ZCCHC2: variants seen among roughly 807,000 people sequenced by gnomAD.
ZCCHC2 encodes zinc finger CCHC domain-containing protein 2.
ZCCHC2 carries 39 observed loss-of-function variants against 103.6 expected under a neutral mutation model. The ratio of observed to expected loss-of-function variants is 0.38; its 90% CI spans 0.29 to 0.49. ZCCHC2 has a LOEUF of 0.49. ZCCHC2 is among the 20% of genes least tolerant of loss of function. The pLI is 0.96. For missense variants in ZCCHC2, 1,483 were observed against 1,491.0 expected (o/e 0.99, Z 0.09); for synonymous variants, 687 against 608.9 (o/e 1.13, Z -1.89).
rs376690947 is a variant in ZCCHC2, at chr18:62,539,802, C to T, written c.1051+10C>T. 5.6e-5 allele frequency: 89 copies of T among 1,590,688 alleles called. No homozygotes were observed. In the African/African-American group the frequency reaches 9.5e-4, roughly 17 times the overall value. ...AGAGCTCAGCGAGAAGGTATGCTCT[C>T]TTTTTTGTAAACTTAAAGCATTAAT... On this transcript the variant is annotated intron_variant, in intron 2 of 13. Transcript: ENST00000269499.
chr18:62,530,601 G>A (rs1598928134), intron 1 of ZCCHC2, among the ~76,000 whole-genome samples: 1 of 151,936 alleles, frequency 6.6e-6, no homozygotes, highest in Admixed American at 6.5e-5. Flanking sequence ...ATTGATGTTC[G>A]GGAAGGACAG....
At chr18:62,536,607 C>G (rs1555785429) in intron 1 of ZCCHC2, among the ~76,000 whole-genome samples, 1 of 152,160 alleles carries the variant, frequency 6.6e-6, no homozygotes, top group East Asian at 1.9e-4. Context: ...ACAGCATCGC[C>G]GAGCAGCCAC....
chr18:62,583,666 G>T (rs923699624), intron 14 of ZCCHC2, among the ~76,000 whole-genome samples: 1 of 139,428 alleles, frequency 7.2e-6, no homozygotes. Context: ...AAAAAATACT[G>T]ACCCCCCCCT....
chr18:62,531,752 ACT>A (rs1176434094), intron 1 of ZCCHC2, among the ~76,000 whole-genome samples: 1 of 151,246 alleles, frequency 6.6e-6, no homozygotes, highest in Admixed American at 6.6e-5. Flanking sequence ...TTTGAAGCCA[ACT>A]CTGACAACTT....
intron 1 of ZCCHC2, among the ~76,000 whole-genome samples, chr18:62,526,654 T>G (rs1350671988): frequency 1.3e-5 from 2 of 151,692 alleles, no homozygotes; most frequent in Non-Finnish European, 2.9e-5. Context: ...CGGGCGCACC[T>G]CCCCATCGTC....
At chr18:62,582,798 T>G (rs577691453), downstream of ZCCHC2, among the ~76,000 whole-genome samples, 5 of 152,124 alleles carry the variant, frequency 3.3e-5, no homozygotes, top group South Asian at 2.1e-4. Flanking sequence ...AGGGAGATTG[T>G]AATACTATTT....
chr18:62,556,089 A>G (rs1384278133), intron 5 of ZCCHC2, 114 bp from the exon 6 acceptor site: 7 of 735,740 alleles, frequency 9.5e-6, no homozygotes, highest in Admixed American at 8.8e-5. Context: ...TAGGAAAAAT[A>G]TTTTTCCATA....
intron 7 of ZCCHC2, among the ~76,000 whole-genome samples, chr18:62,559,664 G>A (rs552877491): frequency 4.6e-5 from 7 of 152,204 alleles, no homozygotes; most frequent in African/African-American, 1.4e-4. Flanking sequence ...ACATGGGCCC[G>A]GGTCCTTGAG....
At chr18:62,566,372 A>AC in intron 11 of ZCCHC2, among the ~76,000 whole-genome samples, 1 of 152,320 alleles carries the variant, frequency 6.6e-6, no homozygotes. Context: ...TGTAACACTT[A>AC]CTATCTCTGA....
downstream of ZCCHC2, among the ~76,000 whole-genome samples, chr18:62,582,239 G>T (rs756299121): frequency 2.0e-5 from 3 of 152,226 alleles, no homozygotes; most frequent in Non-Finnish European, 4.4e-5. Context: ...TTGAAAGACG[G>T]GTTAGGCATG....
chr18:62,560,050 CA>C (rs1010694193), intron 7 of ZCCHC2, among the ~76,000 whole-genome samples: 3 of 152,156 alleles, frequency 2.0e-5, no homozygotes, highest in African/African-American at 7.2e-5. Context: ...TGTTTATGAG[CA>C]CACATATATG....
At chr18:62,571,947 G>T (rs1244353411) in intron 12 of ZCCHC2, among the ~76,000 whole-genome samples, 3 of 152,182 alleles carry the variant, frequency 2.0e-5, no homozygotes, top group Admixed American at 1.3e-4. Context: ...ATGTAGCATA[G>T]TTACTCTACC....
intron 1 of ZCCHC2, 49 bp downstream of exon 1, chr18:62,524,412 G>T: frequency 7.0e-7 from 1 of 1,429,590 alleles, no homozygotes. Context: ...CGCTGCCCCG[G>T]CGGCCTCCCC....
chr18:62,534,473 G>A (rs1275660994), intron 1 of ZCCHC2, among the ~76,000 whole-genome samples: 1 of 152,198 alleles, frequency 6.6e-6, no homozygotes, highest in Non-Finnish European at 1.5e-5. Flanking sequence ...ATGGTAGGTA[G>A]CCTGTAGTGT....
chr18:62,551,797 T>C (rs978324120), intron 5 of ZCCHC2: 5 of 152,696 alleles, frequency 3.3e-5, no homozygotes, highest in African/African-American at 1.2e-4. Context: ...CTTGCAGTTA[T>C]TAATAAATAC....
intron 7 of ZCCHC2, among the ~76,000 whole-genome samples, 177 bp downstream of exon 7, chr18:62,558,947 T>G (rs1337264549): frequency 6.6e-6 from 1 of 152,230 alleles, no homozygotes; most frequent in Non-Finnish European, 1.5e-5. Flanking sequence ...AATAAATTGT[T>G]CAATAAATGG....
chr18:62,545,215 ATC>A (rs1382505360), intron 4 of ZCCHC2, among the ~76,000 whole-genome samples: 2 of 151,654 alleles, frequency 1.3e-5, no homozygotes, highest in East Asian at 3.9e-4. Context: ...GTGAGAACCT[ATC>A]TCTATTTGAA....
chr18:62,561,577 A>G (rs1916119405), intron 8 of ZCCHC2, among the ~76,000 whole-genome samples: 1 of 152,164 alleles, frequency 6.6e-6, no homozygotes. Context: ...TGATGCTTCC[A>G]GCCTCCACTG....
chr18:62,541,915 T>C (rs761464497), intron 2 of ZCCHC2, among the ~76,000 whole-genome samples: 2 of 152,186 alleles, frequency 1.3e-5, no homozygotes, highest in Non-Finnish European at 2.9e-5. Flanking sequence ...TGTAAAAAAA[T>C]TTTGCCACAA....
Sources: gnomAD v4.1 joint callset for allele counts (sites outside exome capture counted in the v4.1 genomes callset) on GRCh38, gnomAD v4.1.1 for gene constraint, MANE v1.5 for transcripts, NCBI Gene and HGNC (gene_info 2026-07-23, HGNC 2026-07-21) for gene names.